The following HDAC4 variants were observed in gnomAD, a reference collection of about 807,000 sequenced individuals.
The protein encoded by HDAC4 is histone deacetylase A.
HDAC4 carries 16 observed loss-of-function variants against 135.1 expected under a neutral mutation model. The ratio of observed to expected loss-of-function variants is 0.12; its 90% CI spans 0.08 to 0.18. The LOEUF (loss-of-function observed/expected upper bound fraction) is 0.18. HDAC4 is among the 10% of genes least tolerant of loss of function. The pLI, the probability that HDAC4 is intolerant of heterozygous loss-of-function variation, is 1.00. For missense variants in HDAC4, 1,143 were observed against 1,511.8 expected (o/e 0.76, Z 4.05); for synonymous variants, 685 against 653.4 (o/e 1.05, Z -0.74).
chr2:239,169,171 C>A (rs1027845399), intron 5 of HDAC4, among the ~76,000 whole-genome samples: 1 of 152,202 alleles, frequency 6.6e-6, no homozygotes, highest in Non-Finnish European at 1.5e-5. Flanking sequence ...GCACAAATCA[C>A]CCAGCTGATA....
intron 6 of HDAC4, among the ~76,000 whole-genome samples, chr2:239,160,983 C>A (rs1048982187): frequency 1.3e-5 from 2 of 152,196 alleles, no homozygotes; most frequent in Non-Finnish European, 2.9e-5. Flanking sequence ...TCCGGCCATC[C>A]CCACAGGTAT....
chr2:239,386,658 C>T (rs1695828569), intron 1 of HDAC4, among the ~76,000 whole-genome samples: 2 of 152,154 alleles, frequency 1.3e-5, no homozygotes, highest in African/African-American at 2.4e-5. Context: ...CCATGAGCAC[C>T]GGCTTTAGGT....
rs760497535 is a variant in HDAC4, at chr2:239,331,102, C to T, written c.22+21576G>A. Among the ~76,000 whole-genome samples the T allele has an allele frequency of 1.4e-4, 21 of 152,218 alleles. No individual in the cohort carries two copies. The highest frequency in any genetic ancestry group is 2.8e-4 in the Non-Finnish European group (19 of 68,048). On this transcript the variant is annotated intron_variant, in intron 2 of 26. Transcript: ENST00000543185. The surrounding 1 kb of genome is among the most constrained non-coding windows in gnomAD (Gnocchi z 4.5). ...CAGCCCAGAGGACATACTGAGAGAGCGGCCAAGTGAAGCTCTCAGCCTGCC... is the reference window on the plus strand; with the variant it reads ...CAGCCCAGAGGACATACTGAGAGAGTGGCCAAGTGAAGCTCTCAGCCTGCC...
At chr2:239,334,276 T>C (rs1323901226) in intron 2 of HDAC4, among the ~76,000 whole-genome samples, 1 of 152,060 alleles carries the variant, frequency 6.6e-6, no homozygotes, top group African/African-American at 2.4e-5. Context: ...TCCCAGCACT[T>C]TGGGAGGCCG....
At chr2:239,388,388 G>A (rs1029429270) in intron 1 of HDAC4, among the ~76,000 whole-genome samples, 2 of 152,210 alleles carry the variant, frequency 1.3e-5, no homozygotes, top group Non-Finnish European at 2.9e-5. Flanking sequence ...AGGCAGATGC[G>A]GTCAGTGCGG....
intron 6 of HDAC4, among the ~76,000 whole-genome samples, chr2:239,159,475 GCACACCCCACC>G (rs1233014710): frequency 1.1e-5 from 1 of 93,640 alleles, no homozygotes; most frequent in Non-Finnish European, 2.1e-5. Flanking sequence ...CCACTTACAC[GCACACCCCACC>G]CACACCCCAC....
intron 2 of HDAC4, among the ~76,000 whole-genome samples, chr2:239,324,022 T>C (rs1440845409): frequency 1.3e-5 from 2 of 152,186 alleles, no homozygotes; most frequent in African/African-American, 4.8e-5. Flanking sequence ...CGCTACGGTA[T>C]GCACTGATGA....
intron 2 of HDAC4, among the ~76,000 whole-genome samples, chr2:239,328,601 G>C (rs912108910): frequency 6.6e-6 from 1 of 152,178 alleles, no homozygotes; most frequent in African/African-American, 2.4e-5. Context: ...GGGAGCTGGT[G>C]GGGGAGGAAA....
rs140589367 is a variant in HDAC4, at chr2:239,268,875, C to A, written c.23-32211G>T. Among the ~76,000 whole-genome samples, 108 of 152,278 alleles carry A rather than the reference C, an allele frequency of 7.1e-4. 1 individual carries two copies. Among genetic ancestry groups the A allele is most frequent in the African/African-American group, 2.6e-3 (107 of 41,546 alleles). On this transcript the variant is annotated intron_variant, in intron 2 of 26. Coordinates refer to ENST00000543185, the MANE Select transcript of HDAC4 (RefSeq NM_001378414.1). ...CAGGTGGATGGTGCCAGGCTCCCTA[C>A]CCCCACAAAATGGAAAGAAACAAAG...
At chr2:239,350,496 T>C (rs1188285863) in intron 2 of HDAC4, among the ~76,000 whole-genome samples, 1 of 151,938 alleles carries the variant, frequency 6.6e-6, no homozygotes, top group African/African-American at 2.4e-5. Context: ...AAATAAAATA[T>C]ATATAAATGA....
intron 16 of HDAC4, among the ~76,000 whole-genome samples, chr2:239,096,170 AG>A (rs1451659998): frequency 6.6e-6 from 1 of 152,084 alleles, no homozygotes; most frequent in African/African-American, 2.4e-5. Flanking sequence ...TCTTGCCTGG[AG>A]GGCTTGCCGG....
In HDAC4 at chr2:239,081,235, G is replaced by A. The variant is rs139775305; in HGVS notation, c.2653-43C>T. The A allele has an allele frequency of 3.5e-4, 539 of 1,536,640 alleles. 3 individuals carry two copies. In the African/African-American group the frequency reaches 6.2e-3, roughly 18 times the overall value. On this transcript the variant is annotated intron_variant, in intron 21 of 26. Coordinates refer to ENST00000543185, the MANE Select transcript of HDAC4 (RefSeq NM_001378414.1). ...GAAACACACGTCATGGACCCCGAGC[G>A]GGACCTGTCTGACAGGAACGCCTGA...
Position 239,108,632 on chromosome 2 carries a change from T to C in HDAC4, c.1979-449A>G, listed in dbSNP as rs373082242. Among the ~76,000 whole-genome samples, 21 of 152,282 alleles carry C rather than the reference T, an allele frequency of 1.4e-4. No homozygotes were observed. The East Asian group carries it at 2.5e-3, about 18-fold the overall frequency. On this transcript the variant is annotated intron_variant, in intron 14 of 26. Transcript: ENST00000543185. ...CAAAGTCTGCCTGGTCCTGGACCAA[T>C]AGTAACTCCAGTTCTGCTGGACGGA...
intron 2 of HDAC4, among the ~76,000 whole-genome samples, chr2:239,343,681 C>T (rs1352045768): frequency 6.6e-6 from 1 of 151,840 alleles, no homozygotes; most frequent in East Asian, 1.9e-4. Context: ...TGCCTGCTGC[C>T]CTGCCTGCCC....
chr2:239,345,902 ACCC>A (rs1202139993), intron 2 of HDAC4, among the ~76,000 whole-genome samples: 7 of 143,868 alleles, frequency 4.9e-5, no homozygotes, highest in South Asian at 2.3e-4. Context: ...ACACACACAC[ACCC>A]CCATCTCACA....
rs1319595618 is a variant in HDAC4, at chr2:239,245,462, T to C, written c.23-8798A>G. Among the ~76,000 whole-genome samples the C allele has an allele frequency of 6.6e-6, 1 of 152,080 alleles. No individual in the cohort carries two copies. Among genetic ancestry groups the C allele is most frequent in the Non-Finnish European group, 1.5e-5 (1 of 68,018 alleles). Reference sequence around the variant, plus strand: ...GACAACCAGTAAAAATTAAACATCGTTTGGGTATAAGATGATATGTAGGAA... The same window carrying C: ...GACAACCAGTAAAAATTAAACATCGCTTGGGTATAAGATGATATGTAGGAA... On this transcript the variant is annotated intron_variant, in intron 2 of 26. Coordinates refer to ENST00000543185, the MANE Select transcript of HDAC4 (RefSeq NM_001378414.1). This position sits in a 1 kb window ranked among gnomAD's most constrained non-coding sequence, Gnocchi z 4.4.
intron 2 of HDAC4, among the ~76,000 whole-genome samples, chr2:239,274,881 T>A (rs953185923): frequency 2.0e-5 from 3 of 152,194 alleles, no homozygotes; most frequent in Admixed American, 2.0e-4. Context: ...CTTCTGCTGC[T>A]CCTCTTGGTT....
intron 24 of HDAC4, among the ~76,000 whole-genome samples, chr2:239,063,541 G>A (rs556923466): frequency 2.0e-5 from 3 of 152,252 alleles, no homozygotes; most frequent in South Asian, 2.1e-4. Flanking sequence ...AGCTGTCGGC[G>A]GAGGTGTGCA....
Position 239,167,377 on chromosome 2 carries a change from A to G in HDAC4, c.491-3454T>C, listed in dbSNP as rs577178063. ...GCCTGGGTCCTGCCTGGCTCCCTCT[A>G]TGCAGGGCTGGGTGCTGGGCATGAC... On this transcript the variant is annotated intron_variant, in intron 5 of 26. Coordinates refer to ENST00000543185, the MANE Select transcript of HDAC4 (RefSeq NM_001378414.1). This position sits in a 1 kb window ranked among gnomAD's most constrained non-coding sequence, Gnocchi z 4.1. 1.3e-5 allele frequency among the ~76,000 whole-genome samples: 2 copies of G among 152,276 alleles called. No individual in the cohort carries two copies. The highest frequency in any genetic ancestry group is 4.2e-4 in the South Asian group (2 of 4,818).
Sources: allele counts gnomAD v4.1 joint callset (sites outside exome capture counted in the v4.1 genomes callset), GRCh38; gene constraint gnomAD v4.1.1; non-coding constraint Gnocchi (gnomAD v3.1); transcripts MANE v1.5; gene names NCBI Gene and HGNC (gene_info 2026-07-23, HGNC 2026-07-21).